TTBK2: variants seen among roughly 807,000 people sequenced by gnomAD.
TTBK2 encodes the protein tau tubulin kinase 2, also known as tau-tubulin kinase 2.
In TTBK2, 28 loss-of-function variants were observed where a neutral mutation model predicts 110.8. The ratio of observed to expected loss-of-function variants is 0.25; its 90% confidence interval spans 0.19 to 0.35. TTBK2 has a LOEUF of 0.35. Ranked by LOEUF, TTBK2 falls within the 10% of genes least tolerant of loss-of-function variation. The probability of loss-of-function intolerance (pLI) is 1.00; values close to 1 mark genes in which losing one functional copy is unlikely to be tolerated. For synonymous variants in TTBK2, 532 were observed against 527.3 expected (o/e 1.01, Z -0.12); for missense variants, 1,369 against 1,500.3 (o/e 0.91, Z 1.45).
chr15:42,862,491 G>C (rs968583525), intron 3 of TTBK2, among the ~76,000 whole-genome samples: 1 of 152,054 alleles, frequency 6.6e-6, no homozygotes, highest in Non-Finnish European at 1.5e-5. Flanking sequence ...AAACCATATA[G>C]TCATCTCAAT....
chr15:42,872,289 T>A (rs889650778), intron 3 of TTBK2, among the ~76,000 whole-genome samples: 2 of 152,222 alleles, frequency 1.3e-5, no homozygotes, highest in Admixed American at 1.3e-4. Flanking sequence ...GTATCTGTTA[T>A]TGGTAGTTTA....
In TTBK2 at chr15:42,742,489, CTA is replaced by C. The variant is rs1395820896; in HGVS notation, c.*3304_*3305del. Reference sequence around the variant, plus strand: ...CGCCTCTACGCTGTGCAAGAAATCACTATGTGTGATTTTACTATTTCAACCAA... The same window carrying C: ...CGCCTCTACGCTGTGCAAGAAATCACTGTGTGATTTTACTATTTCAACCAA... On this transcript the variant is annotated 3_prime_UTR_variant, in exon 15 of 15. Coordinates refer to ENST00000267890, the MANE Select transcript of TTBK2 (RefSeq NM_173500.4). 4.6e-5 allele frequency: 7 copies of C among 152,206 alleles called. No homozygotes were observed. The allele number at this position is 152,206 out of a possible 1,614,324, so 9.4% of individuals were successfully genotyped here.
At chr15:42,851,454 T>A (rs1270704812) in intron 3 of TTBK2, among the ~76,000 whole-genome samples, 5 of 152,046 alleles carry the variant, frequency 3.3e-5, no homozygotes, top group African/African-American at 1.2e-4. Context: ...GGGAGTGACA[T>A]AACTGTTTAG....
Position 42,777,106 on chromosome 15 carries a change from G to A in TTBK2, c.1334C>T (p.Ser445Phe). The change falls in exon 12 of 15, where the codon TCC becomes TTC. Residue 445 changes from serine to phenylalanine, a missense_variant. By Grantham distance (155) the Ser-to-Phe change is radical. Around this residue, in one of 4 missense-constraint regions of TTBK2, gnomAD observed 1,097 missense variants for 1,114.7 expected, o/e 0.98. Coordinates refer to ENST00000267890, the MANE Select transcript of TTBK2 (RefSeq NM_173500.4). ...RDIPLVRKLR[S>F]IHSFELEKRL... Reference sequence around the variant, plus strand: ...TTTTTCCAGCTCAAAGCTGTGAATGGAACGTAACTTTCGCACCAGTGGAAT... The same window carrying A: ...TTTTTCCAGCTCAAAGCTGTGAATGAAACGTAACTTTCGCACCAGTGGAAT... The A allele has an allele frequency of 6.2e-7, 1 of 1,614,210 alleles. No individual in the cohort carries two copies. The highest frequency in any genetic ancestry group is 8.5e-7 in the Non-Finnish European group (1 of 1,180,040).
chr15:42,821,698 T>G (rs771793826), intron 6 of TTBK2, among the ~76,000 whole-genome samples: 6,195 of 66,658 alleles, frequency 0.093, 303 homozygotes, highest in African/African-American at 0.36. Flanking sequence ...TTTTTTTTTG[T>G]TTTTTTTTTT....
rs533604801 is a variant in TTBK2 at position 42,775,794 on chromosome 15, A to G, written c.1410-71T>C. On this transcript the variant is annotated intron_variant, in intron 12 of 14. Transcript: ENST00000267890. ...TTATTATATAATATATAAGCTCCATAAAGAACTAATATGGACACAAAGATG... is the reference window on the plus strand; with the variant it reads ...TTATTATATAATATATAAGCTCCATGAAGAACTAATATGGACACAAAGATG... The G allele has an allele frequency of 4.0e-6, 5 of 1,258,134 alleles. No individual in the cohort carries two copies. In the South Asian group the frequency reaches 6.9e-5, roughly 17 times the overall value. 77.9% of individuals were successfully genotyped at this position (1,258,134 alleles called of 1,614,324 possible). A position where few individuals can be genotyped will look rare whatever the true frequency, so the allele number is the denominator to read the frequency against.
At chr15:42,760,207 G>A (rs1282106613) in intron 13 of TTBK2, among the ~76,000 whole-genome samples, 1 of 151,930 alleles carries the variant, frequency 6.6e-6, no homozygotes, top group Admixed American at 6.6e-5. Flanking sequence ...CCAACATGGT[G>A]AAACCCTGTC....
At chr15:42,909,011 T>C (rs2030585540) in intron 1 of TTBK2, among the ~76,000 whole-genome samples, 1 of 152,220 alleles carries the variant, frequency 6.6e-6, no homozygotes. Flanking sequence ...CTAATAGCTC[T>C]AGAGGTCAGA....
Position 42,752,539 on chromosome 15 carries a change from C to T in TTBK2, c.2707G>A (p.Glu903Lys), listed in dbSNP as rs2061880620. 1 of 1,614,116 alleles carries T rather than the reference C, an allele frequency of 6.2e-7. No individual in the cohort carries two copies. Among genetic ancestry groups the T allele is most frequent in the East Asian group, 2.2e-5 (1 of 44,882 alleles). ...GGGGTGATTTTCTCTCTCTTGCCCT[C>T]TTGGTGCAAAAAAGTAGAGAGGTCT... ...QGDLSTFLHQ[E>K]GKREKITPRN... The change falls in exon 14 of 15, where the codon GAG (glutamate) becomes AAG (lysine). Residue 903 changes from glutamate (E) to lysine (K), a missense_variant. By Grantham distance (56) the Glu-to-Lys change is moderately conservative. Around this residue, in one of 4 missense-constraint regions of TTBK2, gnomAD observed 1,097 missense variants for 1,114.7 expected, o/e 0.98. Coordinates refer to ENST00000267890, the MANE Select transcript of TTBK2 (RefSeq NM_173500.4).
At chr15:42,791,938 T>C (rs1020547736) in intron 10 of TTBK2, among the ~76,000 whole-genome samples, 1 of 152,176 alleles carries the variant, frequency 6.6e-6, no homozygotes, top group African/African-American at 2.4e-5. Context: ...GGTCAGGATT[T>C]CGAGGCCAGC....
chr15:42,798,231 C>A (rs148155351), intron 9 of TTBK2: 99 of 456,106 alleles, frequency 2.2e-4, no homozygotes, highest in East Asian at 1.7e-3. Context: ...AAAGCACTTT[C>A]CCATCAGAAC....
At chr15:42,801,079 C>T (rs1222598624) in intron 9 of TTBK2, 2 of 789,332 alleles carry the variant, frequency 2.5e-6, no homozygotes, top group Admixed American at 3.4e-5. Flanking sequence ...GAGCCCATGC[C>T]AGAGCCAAAG....
At chr15:42,785,275 A>AT (rs1399706913) in intron 10 of TTBK2, among the ~76,000 whole-genome samples, 1 of 152,120 alleles carries the variant, frequency 6.6e-6, no homozygotes, top group Admixed American at 6.5e-5. Context: ...ATGCACCACC[A>AT]TGCCCAGCTA....
At chr15:42,879,361 T>C (rs1212965719) in intron 1 of TTBK2, among the ~76,000 whole-genome samples, 1 of 152,190 alleles carries the variant, frequency 6.6e-6, no homozygotes. Flanking sequence ...CTGTACTTTG[T>C]AGAAAAAGGA....
intron 1 of TTBK2, among the ~76,000 whole-genome samples, chr15:42,882,885 A>G (rs887779242): frequency 2.6e-5 from 4 of 152,172 alleles, no homozygotes; most frequent in African/African-American, 9.7e-5. Context: ...ATTGTCAAGG[A>G]AAGTTCTTCT....
At chr15:42,766,446 CAAAAAAA>C (rs567972612) in intron 13 of TTBK2, among the ~76,000 whole-genome samples, 3 of 30,860 alleles carry the variant, frequency 9.7e-5, no homozygotes, top group East Asian at 7.2e-4. Flanking sequence ...GAATGGAAAG[CAAAAAAA>C]AAAAAAAAAA....
At chr15:42,855,911 T>G (rs932061707) in intron 3 of TTBK2, among the ~76,000 whole-genome samples, 2 of 152,182 alleles carry the variant, frequency 1.3e-5, no homozygotes, top group Non-Finnish European at 2.9e-5. Flanking sequence ...CTCGATCTCC[T>G]GACCTTGTGA....
chr15:42,911,204 G>T (rs1369182701), intron 1 of TTBK2, among the ~76,000 whole-genome samples: 1 of 152,150 alleles, frequency 6.6e-6, no homozygotes, highest in African/African-American at 2.4e-5. Context: ...AAGACATCTG[G>T]TCGATTGCAA....
intron 4 of TTBK2, among the ~76,000 whole-genome samples, chr15:42,839,195 A>G (rs967300446): frequency 6.6e-6 from 1 of 152,158 alleles, no homozygotes; most frequent in Admixed American, 6.5e-5. Flanking sequence ...AAGAACATGC[A>G]GTATTTGGTT....
Sources: gnomAD v4.1 joint callset for allele counts (sites outside exome capture counted in the v4.1 genomes callset) on GRCh38, gnomAD v4.1.1 for gene constraint, gnomAD v4.1.1 regional missense constraint, MANE v1.5 for transcripts, NCBI Gene and HGNC (gene_info 2026-07-23, HGNC 2026-07-21) for gene names.